FERMT2: variants seen among roughly 807,000 people sequenced by gnomAD.
The protein encoded by FERMT2 is FERM domain containing kindlin 2, also known as fermitin family homolog 2.
In FERMT2, 15 loss-of-function variants were observed where a neutral mutation model predicts 82.7. The ratio of observed to expected loss-of-function variants is 0.18; its 90% confidence interval spans 0.12 to 0.28. FERMT2 has a LOEUF of 0.28. Ranked by LOEUF, FERMT2 falls within the 10% of genes least tolerant of loss-of-function variation. The pLI is 1.00. For synonymous variants in FERMT2, 274 were observed against 271.5 expected (o/e 1.01, Z -0.09); for missense variants, 645 against 809.4 (o/e 0.80, Z 2.46).
At chr14:52,860,636 A>G (rs1175103526) in intron 12 of FERMT2, 171 bp from the exon 13 acceptor site, 1 of 621,642 alleles carries the variant, frequency 1.6e-6, no homozygotes, top group Admixed American at 3.5e-5. Context: ...TGTAATGTAT[A>G]AGGATTTTTC....
rs758991496 is a variant in FERMT2 at position 52,858,434 on chromosome 14, G to A, written c.1986C>T (p.Asp662=). 1.2e-6 allele frequency: 2 copies of A among 1,614,070 alleles called. No homozygotes were observed. The highest frequency in any genetic ancestry group is 1.7e-6 in the Non-Finnish European group (2 of 1,180,004). The change falls in exon 15 of 15, where the codon GAC becomes GAT. Residue 662 remains aspartate, a synonymous_variant. Coordinates refer to ENST00000341590, the MANE Select transcript of FERMT2 (RefSeq NM_006832.3). ...TCTCTTCATCTAAACTCTCGTTTTGGTCTTTTGCACGTGTTGAGAGAAATA... is the reference window on the plus strand; with the variant it reads ...TCTCTTCATCTAAACTCTCGTTTTGATCTTTTGCACGTGTTGAGAGAAATA... ...GYIFLSTRAK[D]QNESLDEEMF... is the part of the protein sequence containing the mutation.
intron 3 of FERMT2, among the ~76,000 whole-genome samples, chr14:52,902,529 A>G (rs1010496962): frequency 1.3e-5 from 2 of 152,048 alleles, no homozygotes; most frequent in Non-Finnish European, 2.9e-5. Context: ...AATCTTAAAT[A>G]TATTTAAGAA....
intron 3 of FERMT2, among the ~76,000 whole-genome samples, chr14:52,916,888 A>G (rs1888645469): frequency 6.6e-6 from 1 of 152,248 alleles, no homozygotes. Context: ...TGGACAAATG[A>G]TATAAACAAT....
chr14:52,919,920 A>G (rs1888856084), intron 2 of FERMT2, among the ~76,000 whole-genome samples: 1 of 152,218 alleles, frequency 6.6e-6, no homozygotes, highest in Non-Finnish European at 1.5e-5. Context: ...AAAATAAAAA[A>G]ATAAAAAACT....
rs1458620998 is a variant in FERMT2, at chr14:52,934,198, TTAA to T, written c.158-14845_158-14843del. Among the ~76,000 whole-genome samples the T allele has an allele frequency of 3.3e-5, 5 of 152,344 alleles. No individual in the cohort carries two copies. The East Asian group carries it at 9.6e-4, about 29-fold the overall frequency. On this transcript the variant is annotated intron_variant, in intron 2 of 14. Transcript: ENST00000341590. ...TATACAGGCAGCATGTAAAGCAATC[TTAA>T]TAATCAATTGAAAAATTATAATTAT...
In FERMT2 at chr14:52,919,165, C is replaced by A. The variant is rs374665608; in HGVS notation, c.349G>T (p.Asp117Tyr). ...KYVKVKVNFS[D>Y]RVFKAVSDIC... ...TCAGAAACAGCTTTGAAGACTCTAT[C>A]AGAGAAATTCACTTTCACCTTCACA... The change falls in exon 3 of 15, where the codon GAT (aspartate) becomes TAT (tyrosine). Residue 117 changes from aspartate to tyrosine, a missense_variant. By Grantham distance (160) the Asp-to-Tyr change is radical. Coordinates refer to ENST00000341590, the MANE Select transcript of FERMT2 (RefSeq NM_006832.3). The A allele has an allele frequency of 4.3e-6, 7 of 1,613,872 alleles. No homozygotes were observed. In the South Asian group the frequency reaches 5.5e-5, roughly 13 times the overall value.
chr14:52,943,840 C>A (rs1238679233), intron 2 of FERMT2, among the ~76,000 whole-genome samples: 1 of 152,174 alleles, frequency 6.6e-6, no homozygotes, highest in Non-Finnish European at 1.5e-5. Flanking sequence ...CCAAAGATAA[C>A]AGGTAAAATT....
At chr14:52,865,494 TTAA>T (rs1192683398) in intron 10 of FERMT2, among the ~76,000 whole-genome samples, 1 of 152,166 alleles carries the variant, frequency 6.6e-6, no homozygotes, top group Non-Finnish European at 1.5e-5. Context: ...TTGTCACTTA[TTAA>T]TAATAATTAT....
intron 4 of FERMT2, among the ~76,000 whole-genome samples, chr14:52,891,373 T>C (rs1158095527): frequency 6.6e-6 from 1 of 152,204 alleles, no homozygotes; most frequent in Non-Finnish European, 1.5e-5. Flanking sequence ...TCCTTAAGTA[T>C]AGTAACTGTT....
intron 3 of FERMT2, among the ~76,000 whole-genome samples, chr14:52,913,737 C>T (rs1281448470): frequency 7.4e-6 from 1 of 135,060 alleles, no homozygotes; most frequent in East Asian, 2.1e-4. Flanking sequence ...CCACCCACTA[C>T]AGATATATTT....
At chr14:52,916,610 A>C (rs1888629186) in intron 3 of FERMT2, among the ~76,000 whole-genome samples, 1 of 152,200 alleles carries the variant, frequency 6.6e-6, no homozygotes, top group Non-Finnish European at 1.5e-5. Flanking sequence ...ACAACAGTAG[A>C]TACACGAGTA....
At chr14:52,923,824 A>G (rs1229067975) in intron 2 of FERMT2, among the ~76,000 whole-genome samples, 1 of 152,238 alleles carries the variant, frequency 6.6e-6, no homozygotes, top group Admixed American at 6.5e-5. Flanking sequence ...AAGCAGAAAT[A>G]GGAGACCAGA....
In FERMT2 at chr14:52,860,481, C is replaced by T. The variant is rs377669901; in HGVS notation, c.1603-16G>A. 535 of 1,605,012 alleles carry T rather than the reference C, an allele frequency of 3.3e-4. No individual in the cohort carries two copies. Among genetic ancestry groups the T allele is most frequent in the Non-Finnish European group, 4.2e-4 (489 of 1,175,548 alleles). ...TCGCTGTTATCTAAACATGAGTAAA[C>T]ATCACCTTTACCATTGAACATTATT... On this transcript the variant is annotated splice_polypyrimidine_tract_variant and intron_variant, in intron 12 of 14. Transcript: ENST00000341590.
intron 2 of FERMT2, among the ~76,000 whole-genome samples, chr14:52,921,676 G>A (rs1051519034): frequency 2.6e-5 from 4 of 152,054 alleles, no homozygotes; most frequent in Non-Finnish European, 5.9e-5. Flanking sequence ...CTGAATGATC[G>A]GTAGGTAGTA....
At chr14:52,945,799 G>A (rs575781402) in intron 2 of FERMT2, among the ~76,000 whole-genome samples, 56 of 152,116 alleles carry the variant, frequency 3.7e-4, no homozygotes, top group South Asian at 6.2e-4. Flanking sequence ...CTTATTCTCC[G>A]TTTAAAATGA....
intron 2 of FERMT2, among the ~76,000 whole-genome samples, chr14:52,943,154 A>AAG (rs1890174467): frequency 7.7e-6 from 1 of 129,492 alleles, no homozygotes; most frequent in African/African-American, 3.1e-5. Context: ...GTTGCAGTGG[A>AAG]CTGAAATCGT....
At chr14:52,905,797 C>A (rs1332215322) in intron 3 of FERMT2, among the ~76,000 whole-genome samples, 1 of 152,068 alleles carries the variant, frequency 6.6e-6, no homozygotes, top group Non-Finnish European at 1.5e-5. Context: ...ATGAGTTCAG[C>A]CTTGAGCATG....
At chr14:52,892,137 T>C (rs1886964367) in intron 4 of FERMT2, among the ~76,000 whole-genome samples, 1 of 149,638 alleles carries the variant, frequency 6.7e-6, no homozygotes, top group Non-Finnish European at 1.5e-5. Context: ...GAAACCAGAA[T>C]ATGCAAAGCA....
intron 4 of FERMT2, among the ~76,000 whole-genome samples, chr14:52,891,482 T>C (rs564345934): frequency 1.3e-5 from 2 of 152,310 alleles, no homozygotes; most frequent in East Asian, 1.9e-4. Flanking sequence ...GTTAGAAGGC[T>C]TGTGACCTTA....
Sources: allele counts gnomAD v4.1 joint callset (sites outside exome capture counted in the v4.1 genomes callset), GRCh38; gene constraint gnomAD v4.1.1; transcripts MANE v1.5; gene names NCBI Gene and HGNC (gene_info 2026-07-23, HGNC 2026-07-21).